The following TBC1D22B variants were observed in gnomAD, a reference collection of about 807,000 sequenced individuals.
TBC1D22B encodes the protein TBC1 domain family member 22B, also known as chromosome 6 open reading frame 197.
In TBC1D22B, 32 loss-of-function variants were observed where a neutral mutation model predicts 69.1. That is an observed-to-expected ratio of 0.46 (90% confidence interval 0.35 to 0.62). The LOEUF (loss-of-function observed/expected upper bound fraction) is 0.62, where lower values mean the gene tolerates loss of function less well. Ranked by LOEUF, TBC1D22B falls within the 20% of genes least tolerant of loss-of-function variation. TBC1D22B has a pLI of 0.00. For missense variants in TBC1D22B, 462 were observed against 630.9 expected (o/e 0.73, Z 2.87); for synonymous variants, 206 against 229.8 (o/e 0.90, Z 0.94).
intron 12 of TBC1D22B, among the ~76,000 whole-genome samples, chr6:37,320,890 C>T (rs1483081408): frequency 6.6e-6 from 1 of 152,240 alleles, no homozygotes; most frequent in African/African-American, 2.4e-5. Flanking sequence ...GAGCTGCCAG[C>T]AGAGCTGGGC....
intron 12 of TBC1D22B, among the ~76,000 whole-genome samples, chr6:37,328,813 G>A (rs1449432707): frequency 2.6e-5 from 4 of 151,706 alleles, no homozygotes; most frequent in South Asian, 2.1e-4. Flanking sequence ...TGCAACCTCC[G>A]CCTCCCAGAT....
intron 1 of TBC1D22B, among the ~76,000 whole-genome samples, chr6:37,259,356 C>A (rs973689092): frequency 6.6e-6 from 1 of 152,120 alleles, no homozygotes; most frequent in African/African-American, 2.4e-5. Flanking sequence ...CAACTGATTC[C>A]TTTTCCTTCC....
At chr6:37,327,920 G>GT (rs967745927) in intron 12 of TBC1D22B, among the ~76,000 whole-genome samples, 41 of 148,910 alleles carry the variant, frequency 2.8e-4, no homozygotes, top group South Asian at 4.3e-4. Flanking sequence ...AGCAAAGTTT[G>GT]TTTTTTTTTT....
At chr6:37,315,798 G>T (rs578107716) in intron 10 of TBC1D22B, among the ~76,000 whole-genome samples, 1 of 152,208 alleles carries the variant, frequency 6.6e-6, no homozygotes, top group East Asian at 1.9e-4. Flanking sequence ...CTGGTCTTGA[G>T]CTCCTGGGCT....
At chr6:37,276,230 T>C (rs1192803523) in intron 2 of TBC1D22B, among the ~76,000 whole-genome samples, 2 of 152,046 alleles carry the variant, frequency 1.3e-5, no homozygotes, top group East Asian at 3.9e-4. Context: ...CTCCCAAAGT[T>C]CTGGGATTAC....
At chr6:37,323,300 G>A (rs930651652) in intron 12 of TBC1D22B, among the ~76,000 whole-genome samples, 1 of 152,194 alleles carries the variant, frequency 6.6e-6, no homozygotes, top group African/African-American at 2.4e-5. Flanking sequence ...GACTGAGGCA[G>A]GAGGATCGCT....
chr6:37,311,617 G>A (rs1195976414), intron 8 of TBC1D22B, among the ~76,000 whole-genome samples: 1 of 152,024 alleles, frequency 6.6e-6, no homozygotes, highest in Admixed American at 6.6e-5. Context: ...AGGCTGCAGT[G>A]AGCCGAGATC....
chr6:37,331,373 G>T lies in TBC1D22B; in HGVS notation c.*201G>T, dbSNP rs907694344. On this transcript the variant is annotated 3_prime_UTR_variant, in exon 13 of 13. Transcript: ENST00000373491. ...ACTTGGACCACTGTCAGTATTCCAT[G>T]CCGCGTGGATGGGCCCAGTTCTGGG... 4 of 550,368 alleles carry T rather than the reference G, an allele frequency of 7.3e-6. No homozygotes were observed. The highest frequency in any genetic ancestry group is 1.3e-5 in the Non-Finnish European group (4 of 306,834). 34.1% of individuals were successfully genotyped at this position (550,368 alleles called of 1,614,324 possible). A position where few individuals can be genotyped will look rare whatever the true frequency, so the allele number is the denominator to read the frequency against.
chr6:37,327,883 TG>T (rs889520971), intron 12 of TBC1D22B, among the ~76,000 whole-genome samples: 2 of 151,860 alleles, frequency 1.3e-5, no homozygotes, highest in African/African-American at 4.8e-5. Context: ...TTCTTGGGCT[TG>T]GGGATCAAAG....
chr6:37,279,478 T>C lies in TBC1D22B; in HGVS notation c.288T>C (p.Thr96=). 1 of 1,614,178 alleles carries C rather than the reference T, an allele frequency of 6.2e-7. No homozygotes were observed. The highest frequency in any genetic ancestry group is 1.7e-5 in the Admixed American group (1 of 60,020). ...QTLNSKVALA[T]AAQVLENHSK... ...TGAACTCAAAAGTTGCTTTGGCAAC[T>C]GCAGCCCAAGTTCTAGAAAACCACA... The change falls in exon 3 of 13, where the codon ACT becomes ACC. Residue 96 remains threonine, a synonymous_variant. Transcript: ENST00000373491.
chr6:37,281,797 G>C (rs979400708), intron 3 of TBC1D22B, among the ~76,000 whole-genome samples: 1 of 152,188 alleles, frequency 6.6e-6, no homozygotes, highest in African/African-American at 2.4e-5. Context: ...ACCAAGAAAA[G>C]TTCCAAGTTA....
At chr6:37,320,774 G>A (rs1768216137) in intron 12 of TBC1D22B, among the ~76,000 whole-genome samples, 1 of 152,160 alleles carries the variant, frequency 6.6e-6, no homozygotes, top group Non-Finnish European at 1.5e-5. Context: ...ACACTGAGAG[G>A]TTTCCTTCCT....
chr6:37,316,681 C>T lies in TBC1D22B; in HGVS notation c.1166-22C>T, dbSNP rs1768091309. On this transcript the variant is annotated intron_variant, in intron 10 of 12. Coordinates refer to ENST00000373491, the MANE Select transcript of TBC1D22B (RefSeq NM_017772.4). ...AGGGTCCAGTCCCCTAGGTTGATCC[C>T]CAATGATGCTTCCTGTTTCAGAGCA... is the stretch of plus-strand genomic sequence containing the variant. 4 of 1,614,034 alleles carry T rather than the reference C, an allele frequency of 2.5e-6. No homozygotes were observed. The East Asian group carries it at 8.9e-5, about 36-fold the overall frequency.
chr6:37,317,568 C>T (rs1287520116), intron 12 of TBC1D22B, among the ~76,000 whole-genome samples: 1 of 152,084 alleles, frequency 6.6e-6, no homozygotes, highest in Non-Finnish European at 1.5e-5. Context: ...ATAAAGCTTA[C>T]GTACTCTGAT....
chr6:37,309,775 C>A (rs541109037), intron 8 of TBC1D22B, among the ~76,000 whole-genome samples: 118 of 152,084 alleles, frequency 7.8e-4, no homozygotes, highest in Non-Finnish European at 1.3e-3. Context: ...GTATATCCAT[C>A]CCTGAGGAAA....
chr6:37,292,895 A>T (rs986647656), intron 8 of TBC1D22B, among the ~76,000 whole-genome samples: 1 of 152,120 alleles, frequency 6.6e-6, no homozygotes, highest in Non-Finnish European at 1.5e-5. Flanking sequence ...ATCTTGGTAC[A>T]GGCATATCTT....
chr6:37,286,164 T>C (rs1766999353), intron 6 of TBC1D22B, among the ~76,000 whole-genome samples: 3 of 152,218 alleles, frequency 2.0e-5, no homozygotes, highest in Admixed American at 1.3e-4. Context: ...TTGACTTTAG[T>C]GGTTTCTTTT....
intron 12 of TBC1D22B, among the ~76,000 whole-genome samples, chr6:37,325,609 G>A (rs1768371558): frequency 7.5e-6 from 1 of 133,352 alleles, no homozygotes; most frequent in African/African-American, 2.9e-5. Context: ...GAGTGCAGTG[G>A]CACAATCTTG....
chr6:37,317,055 C>A, intron 11 of TBC1D22B, 56 bp from the exon 12 acceptor site: 1 of 1,524,590 alleles, frequency 6.6e-7, no homozygotes, highest in Admixed American at 2.0e-5. Flanking sequence ...CTGAGAGGAC[C>A]AGAGCTGAAT....
Sources: allele counts gnomAD v4.1 joint callset (sites outside exome capture counted in the v4.1 genomes callset), GRCh38; gene constraint gnomAD v4.1.1; transcripts MANE v1.5; gene names NCBI Gene and HGNC (gene_info 2026-07-23, HGNC 2026-07-21).